The following CHN2 variants were observed in gnomAD, a reference collection of about 807,000 sequenced individuals.
The protein encoded by CHN2 is chimerin 2.
In CHN2, 35 loss-of-function variants were observed where a neutral mutation model predicts 56.3. The ratio of observed to expected loss-of-function variants is 0.62; its 90% CI spans 0.47 to 0.82. CHN2 has a LOEUF of 0.82. Ranked by LOEUF, CHN2 falls within the 40% of genes least tolerant of loss-of-function variation. The pLI is 0.00. For missense variants in CHN2, 491 were observed against 580.5 expected (o/e 0.85, Z 1.58); for synonymous variants, 210 against 212.8 (o/e 0.99, Z 0.12).
chr7:29,160,383 C>T (rs1347305471), intron 2 of CHN2, among the ~76,000 whole-genome samples: 1 of 152,130 alleles, frequency 6.6e-6, no homozygotes, highest in Non-Finnish European at 1.5e-5. Context: ...CTGGCTTATC[C>T]ATGTCATTCC....
chr7:29,228,673 A>C (rs1377912068), intron 1 of CHN2, among the ~76,000 whole-genome samples: 1 of 152,270 alleles, frequency 6.6e-6, no homozygotes, highest in East Asian at 1.9e-4. Context: ...GACAAAACAA[A>C]TAAACAAAAC....
intron 7 of CHN2, among the ~76,000 whole-genome samples, chr7:29,485,153 C>T (rs1787814140): frequency 6.6e-6 from 1 of 152,164 alleles, no homozygotes; most frequent in African/African-American, 2.4e-5. Flanking sequence ...TGTCTATTTG[C>T]TGTAGCTGGT....
At chr7:29,318,086 G>T (rs1795084902) in intron 1 of CHN2, among the ~76,000 whole-genome samples, 1 of 152,226 alleles carries the variant, frequency 6.6e-6, no homozygotes, top group South Asian at 2.1e-4. Context: ...GGGTCCATGA[G>T]TGTTGCTGTG....
chr7:29,239,876 T>A (rs1406371951), intron 1 of CHN2, among the ~76,000 whole-genome samples: 1 of 152,204 alleles, frequency 6.6e-6, no homozygotes, highest in Non-Finnish European at 1.5e-5. Context: ...AGTGCTCCTA[T>A]CAGGGAGAGG....
chr7:29,394,460 G>A (rs1451376161), intron 4 of CHN2, among the ~76,000 whole-genome samples: 2 of 152,166 alleles, frequency 1.3e-5, no homozygotes, highest in African/African-American at 4.8e-5. Flanking sequence ...AGCTCTCACA[G>A]CCAATCTCAA....
At chr7:29,303,638 G>A (rs1793904034) in intron 1 of CHN2, among the ~76,000 whole-genome samples, 1 of 152,194 alleles carries the variant, frequency 6.6e-6, no homozygotes, top group South Asian at 2.1e-4. Flanking sequence ...CCAGCCTATA[G>A]GACTTTCTTC....
At chr7:29,200,576 C>T (rs192212727) in intron 1 of CHN2, 29 of 149,374 alleles carry the variant, frequency 1.9e-4, no homozygotes, top group African/African-American at 7.2e-4. Flanking sequence ...CTTTACTGTT[C>T]GTAGTTTGCA....
intron 11 of CHN2, 90 bp downstream of exon 11, chr7:29,507,455 A>G: frequency 1.0e-6 from 1 of 978,938 alleles, no homozygotes. Flanking sequence ...GAACTGTTTA[A>G]ATTATTGCAT....
intron 2 of CHN2, among the ~76,000 whole-genome samples, chr7:29,178,386 G>A (rs982978426): frequency 2.6e-5 from 4 of 152,036 alleles, no homozygotes; most frequent in Admixed American, 1.3e-4. Flanking sequence ...CTTCCTCTGC[G>A]TGCGGTTTCA....
chr7:29,321,575 T>C (rs866535815), intron 1 of CHN2, among the ~76,000 whole-genome samples: 40 of 149,340 alleles, frequency 2.7e-4, no homozygotes, highest in Non-Finnish European at 1.2e-4. Flanking sequence ...TCTTTCTTTT[T>C]TTTTTTTTTT....
At chr7:29,453,815 G>A (rs1052934979) in intron 6 of CHN2, among the ~76,000 whole-genome samples, 2 of 152,050 alleles carry the variant, frequency 1.3e-5, no homozygotes, top group Non-Finnish European at 2.9e-5. Flanking sequence ...AGATTCACTC[G>A]GGTCCTTTGG....
intron 6 of CHN2, among the ~76,000 whole-genome samples, chr7:29,466,360 A>G (rs1219081451): frequency 1.3e-5 from 2 of 152,238 alleles, no homozygotes; most frequent in African/African-American, 4.8e-5. Flanking sequence ...TTATATGAAC[A>G]TGATAATATT....
intron 6 of CHN2, among the ~76,000 whole-genome samples, chr7:29,416,942 C>T (rs1803813196): frequency 6.6e-6 from 1 of 152,102 alleles, no homozygotes; most frequent in Non-Finnish European, 1.5e-5. Context: ...ATCTCCCCTG[C>T]AGAGGAGGTG....
chr7:29,332,037 A>G (rs1175678072), intron 1 of CHN2, among the ~76,000 whole-genome samples: 1 of 150,920 alleles, frequency 6.6e-6, no homozygotes, highest in African/African-American at 2.4e-5. Context: ...AAAAAAGAGA[A>G]GGATAATTTG....
chr7:29,494,993 T>G (rs1024178053), intron 7 of CHN2, among the ~76,000 whole-genome samples: 1 of 145,406 alleles, frequency 6.9e-6, no homozygotes, highest in Non-Finnish European at 1.5e-5. Flanking sequence ...TGTCTACATT[T>G]CTTTTGTTAA....
chr7:29,179,188 C>CCAT (rs997930061), intron 2 of CHN2, among the ~76,000 whole-genome samples: 4 of 152,202 alleles, frequency 2.6e-5, no homozygotes, highest in African/African-American at 9.6e-5. Context: ...TTGTGTTAGG[C>CCAT]CATGCTGCCA....
chr7:29,325,245 C>T (rs935566011), intron 1 of CHN2, among the ~76,000 whole-genome samples: 2 of 152,222 alleles, frequency 1.3e-5, no homozygotes, highest in East Asian at 1.9e-4. Flanking sequence ...ACTCTCCCAG[C>T]GGGTTGGCCA....
upstream of CHN2, chr7:29,191,472 C>T (rs1782882965): frequency 6.6e-6 from 1 of 152,168 alleles, no homozygotes; most frequent in Non-Finnish European, 1.5e-5. Context: ...CTGCTAGCCC[C>T]AAGGGCATAG....
At chr7:29,167,887 T>C (rs907509636) in intron 2 of CHN2, among the ~76,000 whole-genome samples, 1 of 152,230 alleles carries the variant, frequency 6.6e-6, no homozygotes, top group Non-Finnish European at 1.5e-5. Flanking sequence ...AATTACTTAC[T>C]GATGCAAAAA....
Sources: gnomAD v4.1 joint callset for allele counts (sites outside exome capture counted in the v4.1 genomes callset) on GRCh38, gnomAD v4.1.1 for gene constraint, MANE v1.5 for transcripts, NCBI Gene and HGNC (gene_info 2026-07-23, HGNC 2026-07-21) for gene names.